The following SOX5 variants were observed in gnomAD, a reference collection of about 807,000 sequenced individuals.
The protein encoded by SOX5 is transcription factor SOX-5.
In SOX5, 9 loss-of-function variants were observed where a neutral mutation model predicts 92.0. The observed-to-expected ratio is 0.10, with a 90% CI of 0.06 to 0.17. The LOEUF is 0.17. Ranked by LOEUF, SOX5 falls within the 10% of genes least tolerant of loss-of-function variation. The pLI is 1.00. For synonymous variants in SOX5, 344 were observed against 336.3 expected (o/e 1.02, Z -0.25); for missense variants, 642 against 944.5 (o/e 0.68, Z 4.20).
chr12:24,161,334 C>G (rs1952732646), intron 4 of SOX5, among the ~76,000 whole-genome samples: 1 of 152,052 alleles, frequency 6.6e-6, no homozygotes, highest in African/African-American at 2.4e-5. Flanking sequence ...CACTCTCCAT[C>G]AGATATTTGA....
intron 1 of SOX5, among the ~76,000 whole-genome samples, chr12:24,495,738 C>G (rs2138044708): frequency 6.6e-6 from 1 of 152,144 alleles, no homozygotes; most frequent in South Asian, 2.1e-4. Context: ...TTATGAATAA[C>G]TACTTATTAA....
intron 3 of SOX5, among the ~76,000 whole-genome samples, chr12:24,246,364 T>C (rs1455303875): frequency 6.6e-6 from 1 of 152,002 alleles, no homozygotes; most frequent in Non-Finnish European, 1.5e-5. Flanking sequence ...TTAAACCTAA[T>C]GTTTCAAACT....
At chr12:23,891,720 A>C (rs1363993760) in intron 2 of SOX5, among the ~76,000 whole-genome samples, 1 of 152,184 alleles carries the variant, frequency 6.6e-6, no homozygotes, top group Non-Finnish European at 1.5e-5. Context: ...AAATAAAAGA[A>C]CCTATTTTGT....
chr12:24,271,064 A>C (rs1943669561), intron 3 of SOX5, among the ~76,000 whole-genome samples: 1 of 152,238 alleles, frequency 6.6e-6, no homozygotes, highest in African/African-American at 2.4e-5. Flanking sequence ...TGCTTAAGCA[A>C]GGGCTATAAA....
chr12:23,811,165 A>G (rs1292528035), intron 3 of SOX5, among the ~76,000 whole-genome samples: 1 of 152,132 alleles, frequency 6.6e-6, no homozygotes, highest in Non-Finnish European at 1.5e-5. Flanking sequence ...AGAAGTGTTC[A>G]TTTTGCTTCA....
At chr12:23,542,595 T>A (rs973493617) in intron 13 of SOX5, among the ~76,000 whole-genome samples, 1 of 152,210 alleles carries the variant, frequency 6.6e-6, no homozygotes, top group Admixed American at 6.5e-5. Context: ...AATGTTGCAA[T>A]GGCAGAAAAG....
chr12:24,338,066 G>T (rs944080429), intron 2 of SOX5, among the ~76,000 whole-genome samples: 2 of 151,700 alleles, frequency 1.3e-5, no homozygotes, highest in Non-Finnish European at 1.5e-5. Flanking sequence ...CCCTTTCTCT[G>T]GTTTTTGAAA....
intron 6 of SOX5, among the ~76,000 whole-genome samples, chr12:23,709,786 A>G (rs897076090): frequency 6.6e-6 from 1 of 152,214 alleles, no homozygotes. Flanking sequence ...AGGATAGGAA[A>G]TGTTAAATCA....
chr12:24,030,714 C>T (rs909400594), intron 4 of SOX5, among the ~76,000 whole-genome samples: 2 of 151,880 alleles, frequency 1.3e-5, no homozygotes, highest in African/African-American at 4.8e-5. Flanking sequence ...AACTAAAAAG[C>T]TTCTGCATAG....
chr12:23,779,715 A>C lies in SOX5; in HGVS notation c.482-23991T>G, dbSNP rs541381452. Among the ~76,000 whole-genome samples, 12 of 148,710 alleles carry C rather than the reference A, an allele frequency of 8.1e-5. No individual in the cohort carries two copies. The South Asian group carries it at 2.5e-3, about 32-fold the overall frequency. On this transcript the variant is annotated intron_variant, in intron 3 of 14. Coordinates refer to ENST00000451604, the MANE Select transcript of SOX5 (RefSeq NM_006940.6). ...TTCTGTTTTCTGGCAACTTCTTTTG[A>C]TCTCAAACATATGGCTTTGGGAAAT...
intron 3 of SOX5, among the ~76,000 whole-genome samples, chr12:23,831,113 T>C (rs963263050): frequency 6.6e-6 from 1 of 152,142 alleles, no homozygotes; most frequent in Non-Finnish European, 1.5e-5. Context: ...GAGGATCTAA[T>C]GGTCTTATAG....
At chr12:24,184,799 G>T (rs886672107) in intron 4 of SOX5, among the ~76,000 whole-genome samples, 3 of 151,996 alleles carry the variant, frequency 2.0e-5, no homozygotes, top group Non-Finnish European at 2.9e-5. Context: ...GGTCCAGAAG[G>T]CAAAATTAAA....
intron 4 of SOX5, among the ~76,000 whole-genome samples, chr12:24,155,750 A>C (rs939255401): frequency 6.6e-6 from 1 of 152,196 alleles, no homozygotes; most frequent in African/African-American, 2.4e-5. Flanking sequence ...TGTGCTAACG[A>C]AATGAGACTT....
chr12:24,465,296 A>G (rs1944101501), intron 1 of SOX5, among the ~76,000 whole-genome samples: 1 of 152,262 alleles, frequency 6.6e-6, no homozygotes, highest in Non-Finnish European at 1.5e-5. Flanking sequence ...TTGCCTTCAA[A>G]TTAATCATAA....
intron 3 of SOX5, among the ~76,000 whole-genome samples, chr12:23,806,970 C>T (rs947536995): frequency 1.3e-5 from 2 of 152,138 alleles, no homozygotes; most frequent in Non-Finnish European, 2.9e-5. Flanking sequence ...GATTTCTAAC[C>T]TTTTCTCCAC....
At chr12:23,763,552 T>C (rs1474612777) in intron 3 of SOX5, among the ~76,000 whole-genome samples, 1 of 152,162 alleles carries the variant, frequency 6.6e-6, no homozygotes, top group Non-Finnish European at 1.5e-5. Context: ...GATAAAGGAA[T>C]GTAGTAAGTA....
intron 2 of SOX5, among the ~76,000 whole-genome samples, chr12:24,355,210 T>C (rs1011361610): frequency 1.3e-5 from 2 of 149,750 alleles, no homozygotes; most frequent in Admixed American, 6.7e-5. Context: ...ATCAGGATAG[T>C]GTGGTTCCCA....
Position 24,123,935 on chromosome 12 carries a change from A to G in SOX5, c.-2+89408T>C, listed in dbSNP as rs144501644. On this transcript the variant is annotated intron_variant, in intron 4 of 4. Coordinates refer to the SOX5 transcript ENST00000446891. ...CTCACTCTCACTACATTCTTCCAGAAGTTGCATGCTAAATGCAAGAGTCTC... is the reference window on the plus strand; with the variant it reads ...CTCACTCTCACTACATTCTTCCAGAGGTTGCATGCTAAATGCAAGAGTCTC... 5.3e-3 allele frequency among the ~76,000 whole-genome samples: 809 copies of G among 152,300 alleles called. 12 individuals are homozygous for G. The highest frequency in any genetic ancestry group is 0.018 in the African/African-American group (752 of 41,568).
chr12:24,346,574 C>T (rs1953283346), intron 2 of SOX5, among the ~76,000 whole-genome samples: 1 of 151,596 alleles, frequency 6.6e-6, no homozygotes, highest in African/African-American at 2.4e-5. Context: ...GCCTCAGCCT[C>T]CCCAAGTAGC....
Sources: gnomAD v4.1 joint callset for allele counts (sites outside exome capture counted in the v4.1 genomes callset) on GRCh38, gnomAD v4.1.1 for gene constraint, MANE v1.5 for transcripts, NCBI Gene and HGNC (gene_info 2026-07-23, HGNC 2026-07-21) for gene names.